Variants in CHRNB1 observed in about 807,000 individuals in gnomAD.
CHRNB1 encodes the protein cholinergic receptor nicotinic beta 1 subunit.
Under a neutral mutation model 53.8 loss-of-function variants are expected in CHRNB1, and 47 were observed. That is an observed-to-expected ratio of 0.87 (90% CI 0.69 to 1.11). The LOEUF is 1.11. Among genes scored for constraint, CHRNB1 ranks in the 50% most tolerant of loss-of-function variants. The pLI is 0.00. For synonymous variants in CHRNB1, 259 were observed against 263.5 expected, an observed-to-expected ratio of 0.98 and a Z score of 0.16; for missense variants, 605 against 654.9, an observed-to-expected ratio of 0.92 and a Z score of 0.83.
intron 3 of CHRNB1, 124 bp downstream of exon 3, chr17:7,446,237 A>C: frequency 1.2e-6 from 1 of 854,720 alleles, no homozygotes; most frequent in South Asian, 1.4e-5. Context: ...ACTGAAGCAA[A>C]AGCTCGAAGA....
intron 9 of CHRNB1, 65 bp from the exon 10 acceptor site, chr17:7,455,729 C>T: frequency 3.7e-6 from 6 of 1,606,064 alleles, no homozygotes; most frequent in Non-Finnish European, 5.1e-6. Context: ...GCAGCTGGAG[C>T]GGGGCCTGGG....
rs1207254785 is a variant in CHRNB1 at position 7,445,187 on chromosome 17, T to C, written c.58+2T>C. 3 of 1,610,308 alleles carry C rather than the reference T, an allele frequency of 1.9e-6. No homozygotes were observed. Among genetic ancestry groups the C allele is most frequent in the Non-Finnish European group, 2.5e-6 (3 of 1,179,412 alleles). The stretch of plus-strand genomic sequence containing the variant: ...CGCTGGGGGCGCCGCTCGCCCCAGG[T>C]AAGTGTAGGCCCCGAAGGGGCAGTG... On this transcript the variant is annotated splice_donor_variant, in intron 1 of 10. Transcript: ENST00000306071. LOFTEE classifies it high-confidence loss of function. This position sits in a 1 kb window ranked among gnomAD's most constrained non-coding sequence, Gnocchi z 5.7.
chr17:7,447,562 C>A lies in CHRNB1; in HGVS notation c.522C>A (p.Tyr174Ter). The A allele has an allele frequency of 6.2e-7, 1 of 1,614,208 alleles. No individual in the cohort carries two copies. The highest frequency in any genetic ancestry group is 8.5e-7 in the Non-Finnish European group (1 of 1,180,044). Residue 174 changes from tyrosine (Y) to a stop codon, truncating the protein, a stop_gained, in exon 6 of 11, where the codon TAC (tyrosine) becomes TAA (stop). Transcript: ENST00000306071. LOFTEE classifies it high-confidence loss of function. ...CTATGGTGTTCAGCTCCTACAGCTA[C>A]GACAGCTCGGAGGTCAGCCTGCAGA... Reference protein sequence around the residue: ...NCTMVFSSYSYDSSEVSLQTG... With the variant: ...NCTMVFSSYS
chr17:7,447,411 T>C lies in CHRNB1; in HGVS notation c.463-92T>C, dbSNP rs1238472001. 8 of 1,474,282 alleles carry C rather than the reference T, an allele frequency of 5.4e-6. No individual in the cohort carries two copies. In the Admixed American group the frequency reaches 1.2e-4, roughly 22 times the overall value. The allele number at this position is 1,474,282 out of a possible 1,614,324, so 91.3% of individuals were successfully genotyped here. The stretch of plus-strand genomic sequence containing the variant: ...CATAACCCTCCAATTCCTCCATGAT[T>C]TCCCTTCTCTGTGCCCTCCCCAAAG... On this transcript the variant is annotated intron_variant, in intron 5 of 10. Coordinates refer to ENST00000306071, the MANE Select transcript of CHRNB1 (RefSeq NM_000747.3).
chr17:7,456,488 T>A lies in CHRNB1; in HGVS notation c.1366-95T>A, dbSNP rs2069951877. ...GCCGGCTGTTGCCTCAAACCAGTGG[T>A]AGGAGGACTCAAGCGGGTAGCGGGC... On this transcript the variant is annotated intron_variant, in intron 10 of 10. Coordinates refer to ENST00000306071, the MANE Select transcript of CHRNB1 (RefSeq NM_000747.3). The A allele has an allele frequency of 2.0e-6, 3 of 1,527,178 alleles. 1 individual carries two copies. Among genetic ancestry groups the A allele is most frequent in the Non-Finnish European group, 2.7e-6 (3 of 1,108,344 alleles). 94.6% of individuals were successfully genotyped at this position (1,527,178 alleles called of 1,614,324 possible). A position where few individuals can be genotyped will look rare whatever the true frequency, so the allele number is the denominator to read the frequency against.
At chr17:7,451,137 A>G (rs974502492) in intron 7 of CHRNB1, among the ~76,000 whole-genome samples, 34 of 152,134 alleles carry the variant, frequency 2.2e-4, no homozygotes, top group African/African-American at 8.0e-4. Context: ...GAAGGCCCAG[A>G]ACCACTGATG....
At position 7,447,626 on chromosome 17, in the gene CHRNB1, C is replaced by T; in HGVS notation, c.586C>T (p.His196Tyr). The change falls in exon 6 of 11, where the codon CAC becomes TAC. Residue 196 changes from histidine (H) to tyrosine (Y), a missense_variant. Coordinates refer to ENST00000306071, the MANE Select transcript of CHRNB1 (RefSeq NM_000747.3). The stretch of plus-strand genomic sequence containing the variant: ...TGACGGGCAAGGGCATCAGGAAATC[C>T]ACATTCATGAAGGGACTTTCATTGG... The part of the protein sequence containing the change: ...GPDGQGHQEI[H>Y]IHEGTFIENG... The T allele has an allele frequency of 1.2e-6, 2 of 1,614,206 alleles. No homozygotes were observed. The highest frequency in any genetic ancestry group is 1.3e-5 in the African/African-American group (1 of 75,048).
At position 7,445,486 on chromosome 17, in the gene CHRNB1, A is replaced by G; in HGVS notation, c.198+77A>G. 1.9e-6 allele frequency: 3 copies of G among 1,573,420 alleles called. No homozygotes were observed. The highest frequency in any genetic ancestry group is 2.6e-6 in the Non-Finnish European group (3 of 1,164,024). The stretch of plus-strand genomic sequence containing the variant: ...GGCTTTAGGCAAGGCCGGACCAGGG[A>G]CAGGCTGGGGGCGGGGCCTGGGACG... On this transcript the variant is annotated intron_variant, in intron 2 of 10. Transcript: ENST00000306071. This position sits in a 1 kb window ranked among gnomAD's most constrained non-coding sequence, Gnocchi z 5.7.
intron 5 of CHRNB1, 139 bp downstream of exon 5, chr17:7,447,290 C>A (rs1908680031): frequency 1.1e-6 from 1 of 929,924 alleles, no homozygotes; most frequent in Non-Finnish European, 1.7e-6. Flanking sequence ...CGTCTACCCT[C>A]CTGGTTTTCC....
rs553467940 is a variant in CHRNB1, at chr17:7,457,178, G to C, written c.*455G>C. The stretch of plus-strand genomic sequence containing the variant: ...ACTAAAAATACAAAATTAGCCAGGT[G>C]TGGTGGTACATGCCTGTAATCCCAG... On this transcript the variant is annotated 3_prime_UTR_variant, in exon 11 of 11. Transcript: ENST00000306071. 1 of 196,188 alleles carries C rather than the reference G, an allele frequency of 5.1e-6. No homozygotes were observed. The highest frequency in any genetic ancestry group is 1.1e-5 in the Non-Finnish European group (1 of 92,734). 12.2% of individuals were successfully genotyped at this position (196,188 alleles called of 1,614,324 possible).
chr17:7,446,761 G>A, intron 3 of CHRNB1, 72 bp from the exon 4 acceptor site: 1 of 1,235,418 alleles, frequency 8.1e-7, no homozygotes, highest in South Asian at 1.2e-5. Flanking sequence ...TCCCTTCCTG[G>A]GCTTCCTTTG....
intron 6 of CHRNB1, 115 bp from the exon 7 acceptor site, chr17:7,448,464 A>G (rs905009043): frequency 6.6e-6 from 6 of 906,216 alleles, no homozygotes; most frequent in Non-Finnish European, 1.1e-5. Context: ...CAGTTTTCAC[A>G]GCTAGTTTCA....
intron 7 of CHRNB1, among the ~76,000 whole-genome samples, chr17:7,454,005 G>A (rs1489054224): frequency 6.6e-6 from 1 of 152,112 alleles, no homozygotes; most frequent in Admixed American, 6.5e-5. Flanking sequence ...AGGTTTCAAT[G>A]AGCCATTATC....
intron 8 of CHRNB1, 129 bp downstream of exon 8, chr17:7,454,649 C>T: frequency 1.3e-6 from 1 of 749,816 alleles, no homozygotes; most frequent in South Asian, 1.5e-5. Context: ...TTAAGCTAGC[C>T]CCCATCATTA....
chr17:7,455,517 T>C (rs1259689384), intron 9 of CHRNB1, 61 bp downstream of exon 9: 5 of 1,600,406 alleles, frequency 3.1e-6, no homozygotes, highest in Non-Finnish European at 4.3e-6. Context: ...CCCAGAAGAG[T>C]GTGCGGAAGA....
intron 7 of CHRNB1, among the ~76,000 whole-genome samples, chr17:7,451,755 C>A (rs1908897299): frequency 6.6e-6 from 1 of 152,194 alleles, no homozygotes; most frequent in Non-Finnish European, 1.5e-5. Context: ...GACAGCTATG[C>A]AAGGTTCTCT....
chr17:7,445,748 G>A lies in CHRNB1; in HGVS notation c.199-321G>A. On this transcript the variant is annotated intron_variant, in intron 2 of 10. Coordinates refer to ENST00000306071, the MANE Select transcript of CHRNB1 (RefSeq NM_000747.3). This position sits in a 1 kb window ranked among gnomAD's most constrained non-coding sequence, Gnocchi z 5.7. ...GGTGGGGCGGAGCTTGGTGCTCAGG[G>A]GTCAATAAATGGCAGCGGGTGGAGG... The A allele has an allele frequency of 2.7e-6, 2 of 736,502 alleles. No individual in the cohort carries two copies. Among genetic ancestry groups the A allele is most frequent in the South Asian group, 1.9e-5 (1 of 53,206 alleles). The allele number at this position is 736,502 out of a possible 1,614,324, so 45.6% of individuals were successfully genotyped here.
rs2069959611 is a variant in CHRNB1, at chr17:7,457,036, G to A, written c.*313G>A. ...CTTATGAGGTCAAGAAATGTGACTT[G>A]GCCGGGCGCGGTGGCTCACGCCTGT... On this transcript the variant is annotated 3_prime_UTR_variant, in exon 11 of 11. Transcript: ENST00000306071. 1 of 354,210 alleles carries A rather than the reference G, an allele frequency of 2.8e-6. No individual in the cohort carries two copies. The highest frequency in any genetic ancestry group is 5.4e-6 in the Non-Finnish European group (1 of 185,900). The allele number at this position is 354,210 out of a possible 1,614,324, so 21.9% of individuals were successfully genotyped here. A position where few individuals can be genotyped will look rare whatever the true frequency, so the allele number is the denominator to read the frequency against.
rs1908579757 is a variant in CHRNB1 at position 7,445,743 on chromosome 17, T to C, written c.199-326T>C. 4.0e-6 allele frequency: 3 copies of C among 751,770 alleles called. No individual in the cohort carries two copies. Among genetic ancestry groups the C allele is most frequent in the Non-Finnish European group, 4.2e-6 (2 of 480,268 alleles). The allele number at this position is 751,770 out of a possible 1,614,324, so 46.6% of individuals were successfully genotyped here. A position where few individuals can be genotyped will look rare whatever the true frequency, so the allele number is the denominator to read the frequency against. On this transcript the variant is annotated intron_variant, in intron 2 of 10. Coordinates refer to ENST00000306071, the MANE Select transcript of CHRNB1 (RefSeq NM_000747.3). This position sits in a 1 kb window ranked among gnomAD's most constrained non-coding sequence, Gnocchi z 5.7. ...CCCAGGGTGGGGCGGAGCTTGGTGCTCAGGGGTCAATAAATGGCAGCGGGT... is the reference window on the plus strand; with the variant it reads ...CCCAGGGTGGGGCGGAGCTTGGTGCCCAGGGGTCAATAAATGGCAGCGGGT...
Sources: gnomAD v4.1 joint callset for allele counts (sites outside exome capture counted in the v4.1 genomes callset) on GRCh38, gnomAD v4.1.1 for gene constraint, Gnocchi (gnomAD v3.1) non-coding constraint, MANE v1.5 for transcripts, NCBI Gene and HGNC (gene_info 2026-07-23, HGNC 2026-07-21) for gene names.